The following RNF216 variants were observed in gnomAD, a reference collection of about 807,000 sequenced individuals.
RNF216 encodes ring finger protein 216, also known as E3 ubiquitin-protein ligase RNF216.
In RNF216, 72 loss-of-function variants were observed where a neutral mutation model predicts 110.8. That is an observed-to-expected ratio of 0.65 (90% CI 0.54 to 0.79). The LOEUF (loss-of-function observed/expected upper bound fraction) is 0.79, where lower values mean the gene tolerates loss of function less well. Among genes scored for constraint, RNF216 ranks in the 30% least tolerant of loss-of-function variants. RNF216 has a pLI of 0.00. For missense variants in RNF216, 1,342 were observed against 1,141.2 expected, an observed-to-expected ratio of 1.18 and a Z score of -2.54; for synonymous variants, 495 against 407.5, an observed-to-expected ratio of 1.21 and a Z score of -2.59.
chr7:5,735,324 T>C (rs1462092532), intron 5 of RNF216, among the ~76,000 whole-genome samples: 1 of 151,540 alleles, frequency 6.6e-6, no homozygotes, highest in East Asian at 1.9e-4. Context: ...ATTTAGAAAA[T>C]ACACAAGAAA....
chr7:5,740,919 G>C, intron 4 of RNF216, 54 bp downstream of exon 4: 7 of 1,314,572 alleles, frequency 5.3e-6, no homozygotes, highest in Non-Finnish European at 6.0e-6. Flanking sequence ...AAAAAAAAAA[G>C]AAAAAAACTC....
At chr7:5,656,647 G>GT (rs1213537879) in intron 13 of RNF216, among the ~76,000 whole-genome samples, 1 of 152,194 alleles carries the variant, frequency 6.6e-6, no homozygotes, top group Admixed American at 6.5e-5. Context: ...GAGGTTGCTG[G>GT]TTAAGTTTAT....
chr7:5,758,952 T>C (rs1193498004), intron 2 of RNF216, among the ~76,000 whole-genome samples: 1 of 152,196 alleles, frequency 6.6e-6, no homozygotes, highest in Non-Finnish European at 1.5e-5. Flanking sequence ...TCTGTGTCCC[T>C]GCCCAAATTT....
intron 1 of RNF216, among the ~76,000 whole-genome samples, chr7:5,770,031 A>AAAG (rs1796412479): frequency 7.3e-6 from 1 of 136,654 alleles, no homozygotes; most frequent in Admixed American, 7.3e-5. Context: ...TCTCAAAAAA[A>AAAG]AAAAAAAAAA....
At chr7:5,657,062 C>T (rs904053881) in intron 13 of RNF216, among the ~76,000 whole-genome samples, 3 of 152,238 alleles carry the variant, frequency 2.0e-5, no homozygotes, top group Non-Finnish European at 4.4e-5. Context: ...CCCATGCGTG[C>T]TAGATTTCAG....
rs377704911 is a variant in RNF216 at position 5,714,431 on chromosome 7, T to C, written c.1833+622A>G. 5.3e-5 allele frequency among the ~76,000 whole-genome samples: 8 copies of C among 152,260 alleles called. No homozygotes were observed. In the East Asian group the frequency reaches 9.7e-4, roughly 18 times the overall value. On this transcript the variant is annotated intron_variant, in intron 11 of 16. Transcript: ENST00000389902. ...GCGCCACCAGGTCTGGCTAATCTTG[T>C]ATTTTTAGTAGAGATGGGGTTTCTC...
chr7:5,772,754 G>A (rs113009596), intron 1 of RNF216, among the ~76,000 whole-genome samples: 2,604 of 148,516 alleles, frequency 0.018, 34 homozygotes, highest in Middle Eastern at 0.054. Context: ...TTCTAGCATT[G>A]ATAACTGAAA....
At position 5,621,198 on chromosome 7, in the gene RNF216, G is replaced by C. The variant is rs564266339; in HGVS notation, c.*1662C>G. The C allele has an allele frequency of 6.9e-6, 1 of 145,432 alleles. No individual in the cohort carries two copies. The highest frequency in any genetic ancestry group is 1.5e-5 in the Non-Finnish European group (1 of 66,896). 9.0% of individuals were successfully genotyped at this position (145,432 alleles called of 1,614,324 possible). On this transcript the variant is annotated 3_prime_UTR_variant, in exon 17 of 17. Coordinates refer to ENST00000389902, the MANE Select transcript of RNF216 (RefSeq NM_207111.4). The stretch of plus-strand genomic sequence containing the variant: ...TTTTTTTTTTTTTTTTTTAAAGATA[G>C]AGTTTTGCTTTTGTTGCTCAGGCTG...
In RNF216 at chr7:5,758,796, G is replaced by A. The variant is rs532488418; in HGVS notation, c.67+2207C>T. ...ACAGGCTCATAGGTGGAAGGGACTA[G>A]ACTTGTCACAGATAAGACTGGACTT... On this transcript the variant is annotated intron_variant, in intron 2 of 16. Coordinates refer to ENST00000389902, the MANE Select transcript of RNF216 (RefSeq NM_207111.4). 2.0e-5 allele frequency among the ~76,000 whole-genome samples: 3 copies of A among 152,266 alleles called. No homozygotes were observed. In the East Asian group the frequency reaches 5.8e-4, roughly 29 times the overall value.
At chr7:5,745,628 G>A (rs1281067311) in intron 3 of RNF216, among the ~76,000 whole-genome samples, 1 of 151,960 alleles carries the variant, frequency 6.6e-6, no homozygotes, top group Admixed American at 6.6e-5. Context: ...GGCAGGGCAC[G>A]GTGGCTCACG....
At chr7:5,764,884 T>C (rs1014821160) in intron 1 of RNF216, among the ~76,000 whole-genome samples, 25 of 151,690 alleles carry the variant, frequency 1.6e-4, no homozygotes, top group Non-Finnish European at 3.7e-4. Context: ...CTGAGCAAAC[T>C]TGGTGAGACC....
intron 16 of RNF216, 98 bp from the exon 17 acceptor site, chr7:5,623,277 C>A (rs1786505677): frequency 9.1e-7 from 1 of 1,096,560 alleles, no homozygotes; most frequent in South Asian, 1.7e-5. Context: ...ACGGGAGTGG[C>A]TCCACATGCT....
At chr7:5,674,974 G>A (rs1562814516) in intron 13 of RNF216, among the ~76,000 whole-genome samples, 1 of 152,110 alleles carries the variant, frequency 6.6e-6, no homozygotes. Flanking sequence ...TCCAGCCTGG[G>A]CGACAGAGAG....
chr7:5,687,660 C>A (rs1001367232), intron 13 of RNF216, among the ~76,000 whole-genome samples: 1 of 152,136 alleles, frequency 6.6e-6, no homozygotes, highest in Non-Finnish European at 1.5e-5. Context: ...GAAACCAACA[C>A]AGAGAAATTA....
intron 2 of RNF216, among the ~76,000 whole-genome samples, chr7:5,756,841 G>T (rs545182921): frequency 2.0e-4 from 30 of 151,994 alleles, no homozygotes; most frequent in Admixed American, 3.9e-4. Context: ...TCACCATGTC[G>T]CCCAGGCTGG....
intron 14 of RNF216, among the ~76,000 whole-genome samples, chr7:5,646,691 T>TAA (rs548162611): frequency 2.5e-4 from 35 of 140,160 alleles, no homozygotes; most frequent in African/African-American, 8.8e-4. Flanking sequence ...GACTCCATCT[T>TAA]AAAAAAAAAA....
At chr7:5,623,467 T>TC (rs1339289590) in intron 16 of RNF216, among the ~76,000 whole-genome samples, 1 of 134,118 alleles carries the variant, frequency 7.5e-6, no homozygotes, top group Non-Finnish European at 1.7e-5. Flanking sequence ...CTCAGTTACT[T>TC]TTTTTTTTTT....
chr7:5,630,875 G>A (rs1787027981), intron 15 of RNF216, among the ~76,000 whole-genome samples: 2 of 152,152 alleles, frequency 1.3e-5, no homozygotes, highest in African/African-American at 4.8e-5. Flanking sequence ...GGCACAGCGA[G>A]GTTGTGACCC....
chr7:5,682,022 A>G (rs1050027789), intron 13 of RNF216, among the ~76,000 whole-genome samples: 4 of 152,194 alleles, frequency 2.6e-5, no homozygotes, highest in African/African-American at 9.7e-5. Flanking sequence ...TGTGTGTGCC[A>G]CTTCTGTGGC....
Sources: gnomAD v4.1 joint callset for allele counts (sites outside exome capture counted in the v4.1 genomes callset) on GRCh38, gnomAD v4.1.1 for gene constraint, MANE v1.5 for transcripts, NCBI Gene and HGNC (gene_info 2026-07-23, HGNC 2026-07-21) for gene names.